Variants in TCF4 observed in about 807,000 individuals in gnomAD.
TCF4 encodes transcription factor 4.
TCF4 carries 3 observed loss-of-function variants against 82.1 expected under a neutral mutation model. The observed-to-expected ratio is 0.04, with a 90% CI of 0.02 to 0.09. The LOEUF (loss-of-function observed/expected upper bound fraction) is 0.09, where lower values mean the gene tolerates loss of function less well. Among genes scored for constraint, TCF4 ranks in the 10% least tolerant of loss-of-function variants. The probability of loss-of-function intolerance (pLI) is 1.00; values close to 1 mark genes in which losing one functional copy is unlikely to be tolerated. For synonymous variants in TCF4, 276 were observed against 309.6 expected (o/e 0.89, Z 1.14); for missense variants, 518 against 852.7 (o/e 0.61, Z 4.89).
At chr18:55,293,962 T>TTTTTTA (rs2065799019) in intron 8 of TCF4, among the ~76,000 whole-genome samples, 1 of 137,988 alleles carries the variant, frequency 7.2e-6, no homozygotes, top group Admixed American at 7.2e-5. Context: ...TTTTTTTTTT[T>TTTTTTA]TAGAATTCAT....
intron 12 of TCF4, among the ~76,000 whole-genome samples, chr18:55,260,375 C>G (rs1285136732): frequency 6.6e-6 from 1 of 152,152 alleles, no homozygotes; most frequent in Non-Finnish European, 1.5e-5. Flanking sequence ...TGAACAGGAT[C>G]ATTCCTAAGA....
rs1034384598 is a variant in TCF4 at position 55,373,650 on chromosome 18, T to TA, written c.370-22648dup. Among the ~76,000 whole-genome samples the TA allele has an allele frequency of 3.2e-4, 49 of 151,364 alleles. No homozygotes were observed. In the South Asian group the frequency reaches 4.2e-3, roughly 13 times the overall value. On this transcript the variant is annotated intron_variant, in intron 6 of 19. Coordinates refer to ENST00000354452, the MANE Select transcript of TCF4 (RefSeq NM_001083962.2). ...CAAAATGATGAAACTCCATCTCTAC[T>TA]AAAAAAAACAAAATGTAGCCAGGTT... is the stretch of plus-strand genomic sequence containing the variant.
intron 8 of TCF4, among the ~76,000 whole-genome samples, chr18:55,299,578 G>T (rs2067525688): frequency 6.6e-6 from 1 of 151,624 alleles, no homozygotes; most frequent in South Asian, 2.1e-4. Context: ...CTAATTGTGA[G>T]TAATATTTTG....
At chr18:55,631,205 A>G in intron 2 of TCF4, 1 of 549,484 alleles carries the variant, frequency 1.8e-6, no homozygotes, top group Non-Finnish European at 3.2e-6. Context: ...ACATGCCACC[A>G]TACCCAGCTA....
intron 1 of TCF4, among the ~76,000 whole-genome samples, chr18:55,635,275 G>T (rs775778014): frequency 6.6e-6 from 1 of 152,144 alleles, no homozygotes; most frequent in Non-Finnish European, 1.5e-5. Flanking sequence ...TTGGGAGGCC[G>T]AGATGGACAG....
At chr18:55,611,791 C>T (rs1047034655) in intron 2 of TCF4, among the ~76,000 whole-genome samples, 18 of 152,036 alleles carry the variant, frequency 1.2e-4, no homozygotes, top group South Asian at 4.1e-4. Context: ...TTTTTTGAGA[C>T]GGAGTGTTGC....
chr18:55,331,125 G>A (rs1454028354), intron 8 of TCF4, among the ~76,000 whole-genome samples: 1 of 152,116 alleles, frequency 6.6e-6, no homozygotes, highest in Admixed American at 6.5e-5. Context: ...TTTCAGGGAA[G>A]AGACAGACAG....
At chr18:55,527,618 G>T (rs1038120493) in intron 3 of TCF4, among the ~76,000 whole-genome samples, 3 of 152,022 alleles carry the variant, frequency 2.0e-5, no homozygotes, top group African/African-American at 4.8e-5. Flanking sequence ...CAAGGTACCA[G>T]CAATTAAAAA....
At chr18:55,329,133 C>T (rs1175040896) in intron 8 of TCF4, among the ~76,000 whole-genome samples, 3 of 152,206 alleles carry the variant, frequency 2.0e-5, no homozygotes, top group African/African-American at 7.2e-5. Flanking sequence ...GAGCATCCAA[C>T]GTACATCCAT....
chr18:55,558,710 T>C (rs2097327366), intron 3 of TCF4, among the ~76,000 whole-genome samples: 1 of 152,164 alleles, frequency 6.6e-6, no homozygotes. Context: ...CAGATTCTGT[T>C]AGTTATTGTT....
At position 55,545,453 on chromosome 18, in the gene TCF4, G is replaced by T. The variant is rs542803036; in HGVS notation, c.145+39827C>A. Among the ~76,000 whole-genome samples the T allele has an allele frequency of 1.1e-4, 16 of 151,920 alleles. No homozygotes were observed. The South Asian group carries it at 3.1e-3, about 30-fold the overall frequency. On this transcript the variant is annotated intron_variant, in intron 3 of 19. Coordinates refer to ENST00000354452, the MANE Select transcript of TCF4 (RefSeq NM_001083962.2). ...TCTGGGGTTTTTTTTGTTTTGTTTT[G>T]TTTTTGTTTTTTTGAGACACTGTCT... is the stretch of plus-strand genomic sequence containing the variant.
In TCF4 at chr18:55,621,656, A is replaced by AAT. The variant is rs1555791514; in HGVS notation, c.286+9640_286+9641dup. Among the ~76,000 whole-genome samples the AAT allele has an allele frequency of 9.2e-4, 49 of 53,298 alleles. 1 individual carries two copies. The highest frequency in any genetic ancestry group is 1.5e-3 in the South Asian group (2 of 1,320). 35.0% of individuals were successfully genotyped at this position (53,298 alleles called of 152,430 possible). Reference sequence around the variant, plus strand: ...ATATATTATATAATATACATTATATAATATACATTATATAATATACATTAT... The same window carrying AAT: ...ATATATTATATAATATACATTATATAATATATACATTATATAATATACATTAT... On this transcript the variant is annotated intron_variant, in intron 2 of 20. Coordinates refer to the TCF4 transcript ENST00000398339.
intron 6 of TCF4, among the ~76,000 whole-genome samples, chr18:55,377,348 T>C (rs2091006989): frequency 6.6e-6 from 1 of 152,174 alleles, no homozygotes; most frequent in African/African-American, 2.4e-5. Context: ...CTTTACCTTA[T>C]AATAAATATG....
intron 3 of TCF4, among the ~76,000 whole-genome samples, chr18:55,468,189 C>T (rs1358876755): frequency 6.6e-6 from 1 of 152,146 alleles, no homozygotes; most frequent in Non-Finnish European, 1.5e-5. Context: ...ATTTGAAGGA[C>T]CCAAGTGACT....
intron 8 of TCF4, among the ~76,000 whole-genome samples, chr18:55,297,334 T>C (rs1006633886): frequency 1.1e-4 from 16 of 152,084 alleles, no homozygotes; most frequent in African/African-American, 3.9e-4. Flanking sequence ...ATTGGCAGGC[T>C]TGTATCATAC....
chr18:55,430,465 A>C (rs2147139369), intron 5 of TCF4, among the ~76,000 whole-genome samples: 1 of 152,332 alleles, frequency 6.6e-6, no homozygotes. Context: ...TCCCAATTTA[A>C]AAATGACACT....
At chr18:55,360,812 C>T (rs1294838273) in intron 6 of TCF4, among the ~76,000 whole-genome samples, 1 of 145,588 alleles carries the variant, frequency 6.9e-6, no homozygotes, top group Non-Finnish European at 1.5e-5. Context: ...ACTGCAACCT[C>T]CAACTCCCAG....
intron 8 of TCF4, among the ~76,000 whole-genome samples, chr18:55,314,880 T>C (rs987193091): frequency 6.6e-6 from 1 of 152,100 alleles, no homozygotes; most frequent in Non-Finnish European, 1.5e-5. Context: ...AACAGGATCA[T>C]TATTGGTGCA....
intron 3 of TCF4, among the ~76,000 whole-genome samples, chr18:55,549,492 C>CT (rs1429206961): frequency 7.9e-5 from 12 of 152,162 alleles, no homozygotes; most frequent in Non-Finnish European, 1.3e-4. Context: ...ATTTTATAAG[C>CT]TTTTTTTACT....
Sources: gnomAD v4.1 joint callset for allele counts (sites outside exome capture counted in the v4.1 genomes callset) on GRCh38, gnomAD v4.1.1 for gene constraint, MANE v1.5 for transcripts, NCBI Gene and HGNC (gene_info 2026-07-23, HGNC 2026-07-21) for gene names.